DIP2C: variants seen among roughly 807,000 people sequenced by gnomAD.
DIP2C encodes the protein DIP2 acetate--CoA ligase C (putative).
DIP2C carries 33 observed loss-of-function variants against 192.4 expected under a neutral mutation model. The observed-to-expected ratio is 0.17, with a 90% CI of 0.13 to 0.23. DIP2C has a LOEUF of 0.23. Ranked by LOEUF, DIP2C falls within the 10% of genes least tolerant of loss-of-function variation. The pLI, the probability that DIP2C is intolerant of heterozygous loss-of-function variation, is 1.00. For synonymous variants in DIP2C, 979 were observed against 864.1 expected (o/e 1.13, Z -2.33); for missense variants, 1,537 against 2,110.1 (o/e 0.73, Z 5.32).
intron 1 of DIP2C, among the ~76,000 whole-genome samples, chr10:499,511 C>T (rs554117402): frequency 1.9e-4 from 29 of 152,246 alleles, no homozygotes; most frequent in Middle Eastern, 3.4e-3. Flanking sequence ...TCTTACATGG[C>T]GGCAGGTGAG....
chr10:294,714 G>A (rs1955664875), intron 32 of DIP2C, among the ~76,000 whole-genome samples: 2 of 151,542 alleles, frequency 1.3e-5, no homozygotes, highest in South Asian at 2.1e-4. Flanking sequence ...CACTTGCATC[G>A]AATTAAAAAA....
intron 2 of DIP2C, among the ~76,000 whole-genome samples, chr10:477,807 G>A (rs1009033835): frequency 3.1e-5 from 4 of 128,798 alleles, no homozygotes; most frequent in African/African-American, 1.3e-4. Flanking sequence ...AGGAAGGAAA[G>A]AGAAGGAAAA....
intron 4 of DIP2C, among the ~76,000 whole-genome samples, chr10:424,162 C>A (rs1378965171): frequency 2.6e-5 from 4 of 152,098 alleles, no homozygotes; most frequent in Non-Finnish European, 4.4e-5. Flanking sequence ...GCAGCTCCAG[C>A]CATCGGGTGA....
At chr10:375,849 G>A (rs748000889) in intron 17 of DIP2C, among the ~76,000 whole-genome samples, 2 of 139,486 alleles carry the variant, frequency 1.4e-5, no homozygotes, top group Non-Finnish European at 3.1e-5. Flanking sequence ...AATCCCTTAA[G>A]CAAGTGAGTC....
intron 17 of DIP2C, chr10:370,051 A>G: frequency 1.0e-6 from 1 of 985,376 alleles, no homozygotes; most frequent in Non-Finnish European, 1.2e-6. Context: ...CCACTCCAAG[A>G]ATGCAGACAA....
Position 341,360 on chromosome 10 carries a change from C to T in DIP2C, c.3454-31G>A, listed in dbSNP as rs111774546. On this transcript the variant is annotated intron_variant, in intron 28 of 36. Coordinates refer to ENST00000280886, the MANE Select transcript of DIP2C (RefSeq NM_014974.3). Reference sequence around the variant, plus strand: ...AAATACAAGGCTGTGTTAAACGCATCGGACCTGACACCCTCAGACACCCGG... The same window carrying T: ...AAATACAAGGCTGTGTTAAACGCATTGGACCTGACACCCTCAGACACCCGG... 8.4e-5 allele frequency: 136 copies of T among 1,612,064 alleles called. No individual in the cohort carries two copies. The African/African-American group carries it at 1.6e-3, about 19-fold the overall frequency.
intron 7 of DIP2C, 30 bp downstream of exon 7, chr10:415,739 G>A (rs1309291259): frequency 6.2e-7 from 1 of 1,612,444 alleles, no homozygotes; most frequent in Non-Finnish European, 8.5e-7. Context: ...GGAGCATCTG[G>A]AAGAAACGTG....
intron 1 of DIP2C, among the ~76,000 whole-genome samples, chr10:493,008 G>A (rs1844556650): frequency 6.6e-6 from 1 of 152,240 alleles, no homozygotes; most frequent in African/African-American, 2.4e-5. Flanking sequence ...AAAATTCAAA[G>A]CACGTGTGCA....
intron 32 of DIP2C, among the ~76,000 whole-genome samples, chr10:299,958 G>A (rs1483039892): frequency 6.6e-6 from 1 of 152,132 alleles, no homozygotes; most frequent in South Asian, 2.1e-4. Context: ...AAGCCACAAC[G>A]AGATACCATC....
At chr10:552,371 G>C (rs1259367401) in intron 1 of DIP2C, among the ~76,000 whole-genome samples, 1 of 152,216 alleles carries the variant, frequency 6.6e-6, no homozygotes, top group Admixed American at 6.5e-5. Flanking sequence ...TTTAGAAACA[G>C]AGTGAAGTCC....
rs377578125 is a variant in DIP2C at position 536,112 on chromosome 10, G to A, written c.86-49582C>T. On this transcript the variant is annotated intron_variant, in intron 1 of 36. Coordinates refer to ENST00000280886, the MANE Select transcript of DIP2C (RefSeq NM_014974.3). ...GCCAGAAGTCCACAATCAAGGTGTG[G>A]GCAGGGCCGAGCTCCCACCGCAGGC... Among the ~76,000 whole-genome samples, 38 of 152,222 alleles carry A rather than the reference G, an allele frequency of 2.5e-4. 1 individual carries two copies. The East Asian group carries it at 6.0e-3, about 24-fold the overall frequency.
chr10:615,692 A>C (rs2131805288), intron 1 of DIP2C, among the ~76,000 whole-genome samples: 1 of 152,284 alleles, frequency 6.6e-6, no homozygotes, highest in Non-Finnish European at 1.5e-5. Flanking sequence ...GACAGATGAC[A>C]CATCCATGCC....
chr10:598,213 A>G (rs1422848980), intron 1 of DIP2C, among the ~76,000 whole-genome samples: 1 of 151,976 alleles, frequency 6.6e-6, no homozygotes, highest in African/African-American at 2.4e-5. Context: ...GCCACCACCA[A>G]GGGCCACGAG....
intron 17 of DIP2C, among the ~76,000 whole-genome samples, chr10:372,623 G>A (rs1344457644): frequency 4.6e-5 from 7 of 152,136 alleles, no homozygotes; most frequent in Middle Eastern, 3.4e-3. Flanking sequence ...GCACGGCCCC[G>A]GGATTCTTTC....
chr10:474,567 C>T (rs921658227), intron 2 of DIP2C, among the ~76,000 whole-genome samples: 9 of 34,068 alleles, frequency 2.6e-4, no homozygotes, highest in Non-Finnish European at 1.4e-3. Flanking sequence ...CTGGCTGTGG[C>T]TGCTGTGTTG....
chr10:316,711 C>A (rs866902719), intron 31 of DIP2C, among the ~76,000 whole-genome samples: 1 of 152,210 alleles, frequency 6.6e-6, no homozygotes, highest in African/African-American at 2.4e-5. Context: ...GAGCCCCTGC[C>A]TTTTGCACAC....
chr10:476,582 C>T (rs557198432), intron 2 of DIP2C, among the ~76,000 whole-genome samples: 176 of 152,266 alleles, frequency 1.2e-3, no homozygotes, highest in African/African-American at 4.0e-3. Context: ...GCGAGCGGCC[C>T]GGTGTCACCC....
intron 2 of DIP2C, among the ~76,000 whole-genome samples, chr10:484,569 A>G (rs911320995): frequency 1.3e-5 from 2 of 152,198 alleles, no homozygotes; most frequent in Non-Finnish European, 2.9e-5. Context: ...TTCTACTTCA[A>G]TAGGAAACGC....
chr10:393,379 G>A (rs1963648946), intron 10 of DIP2C, among the ~76,000 whole-genome samples: 1 of 152,114 alleles, frequency 6.6e-6, no homozygotes, highest in African/African-American at 2.4e-5. Flanking sequence ...AGACCAATAA[G>A]CTGCTACTTT....
Sources: allele counts gnomAD v4.1 joint callset (sites outside exome capture counted in the v4.1 genomes callset), GRCh38; gene constraint gnomAD v4.1.1; transcripts MANE v1.5; gene names NCBI Gene and HGNC (gene_info 2026-07-23, HGNC 2026-07-21).